The following TTLL5 variants were observed in gnomAD, a reference collection of about 807,000 sequenced individuals.
TTLL5 encodes the protein tubulin polyglutamylase TTLL5.
In TTLL5, 132 loss-of-function variants were observed where a neutral mutation model predicts 168.4. The observed-to-expected ratio is 0.78, with a 90% CI of 0.68 to 0.91. TTLL5 has a LOEUF of 0.91. Among genes scored for constraint, TTLL5 ranks in the 40% least tolerant of loss-of-function variants. The pLI, the probability that TTLL5 is intolerant of heterozygous loss-of-function variation, is 0.00. For synonymous variants in TTLL5, 546 were observed against 558.6 expected, an observed-to-expected ratio of 0.98 and a Z score of 0.32; for missense variants, 1,545 against 1,581.5, an observed-to-expected ratio of 0.98 and a Z score of 0.39.
chr14:75,902,451 C>T, intron 31 of TTLL5: 1 of 675,384 alleles, frequency 1.5e-6, no homozygotes, highest in Non-Finnish European at 2.7e-6. Context: ...GAAACCTCGC[C>T]ATCTTATAAA....
At chr14:75,882,237 A>C (rs1002544219) in intron 29 of TTLL5, among the ~76,000 whole-genome samples, 1 of 152,166 alleles carries the variant, frequency 6.6e-6, no homozygotes, top group African/African-American at 2.4e-5. Flanking sequence ...CCTGCCTGCA[A>C]ACTTTCTAGA....
At position 75,745,071 on chromosome 14, in the gene TTLL5, CT is replaced by C. The variant is rs759315773; in HGVS notation, c.1282-23del. On this transcript the variant is annotated intron_variant, in intron 15 of 31. Transcript: ENST00000298832. ...ATGAAAACTTAAAAAATTTTTTTTA[CT>C]ATTTTCATTTTCTTCTCCTTAGCGT... The C allele has an allele frequency of 3.7e-6, 6 of 1,601,156 alleles. No individual in the cohort carries two copies. The East Asian group carries it at 1.1e-4, about 30-fold the overall frequency.
At chr14:75,928,437 C>G (rs2034158679) in intron 31 of TTLL5, among the ~76,000 whole-genome samples, 1 of 146,084 alleles carries the variant, frequency 6.8e-6, no homozygotes, top group East Asian at 2.0e-4. Flanking sequence ...ATTCATCCAT[C>G]TCTTTCACAA....
At chr14:75,680,495 G>T (rs900549004) in intron 3 of TTLL5, among the ~76,000 whole-genome samples, 1 of 151,934 alleles carries the variant, frequency 6.6e-6, no homozygotes, top group African/African-American at 2.4e-5. Flanking sequence ...AGCACCATGA[G>T]AAACAAACCA....
At chr14:75,850,669 A>T (rs1896796174) in intron 28 of TTLL5, among the ~76,000 whole-genome samples, 1 of 152,180 alleles carries the variant, frequency 6.6e-6, no homozygotes. Context: ...GACAGGCAGG[A>T]TTCACCGTGA....
At chr14:75,784,663 C>A (rs1006927438) in intron 26 of TTLL5, among the ~76,000 whole-genome samples, 1 of 152,194 alleles carries the variant, frequency 6.6e-6, no homozygotes, top group Non-Finnish European at 1.5e-5. Flanking sequence ...TGAGGAACTT[C>A]TAAACTGTTT....
chr14:75,724,997 A>C (rs1188889204), intron 12 of TTLL5, among the ~76,000 whole-genome samples: 1 of 152,170 alleles, frequency 6.6e-6, no homozygotes, highest in East Asian at 1.9e-4. Flanking sequence ...GCATGGCTGA[A>C]GTCATGGGTT....
chr14:75,683,258 G>A (rs992084032), intron 4 of TTLL5, among the ~76,000 whole-genome samples: 5 of 152,230 alleles, frequency 3.3e-5, no homozygotes, highest in African/African-American at 7.2e-5. Context: ...TTTCTGCAAG[G>A]ATAAGGAAAG....
intron 27 of TTLL5, among the ~76,000 whole-genome samples, chr14:75,806,827 C>T (rs1893686695): frequency 6.6e-6 from 1 of 152,060 alleles, no homozygotes; most frequent in African/African-American, 2.4e-5. Flanking sequence ...CCATTTTTTT[C>T]ACCAGTTTTT....
chr14:75,707,730 A>G, intron 9 of TTLL5, 23 bp downstream of exon 9: 1 of 767,148 alleles, frequency 1.3e-6, no homozygotes, highest in Non-Finnish European at 2.2e-6. Context: ...TTGGGGGTGA[A>G]GGGGTTGGGT....
intron 2 of TTLL5, 116 bp downstream of exon 2, chr14:75,663,339 G>A: frequency 3.9e-6 from 4 of 1,013,516 alleles, no homozygotes; most frequent in Non-Finnish European, 5.8e-6. Context: ...TTTATCTAGT[G>A]TCATTCCTTG....
chr14:75,664,253 G>T (rs1021606339), intron 2 of TTLL5, among the ~76,000 whole-genome samples: 1 of 152,160 alleles, frequency 6.6e-6, no homozygotes, highest in African/African-American at 2.4e-5. Context: ...GAGAGTAAGT[G>T]ATGCATTGAG....
At chr14:75,665,829 GAGAC>G (rs1883212074) in intron 2 of TTLL5, among the ~76,000 whole-genome samples, 1 of 152,192 alleles carries the variant, frequency 6.6e-6, no homozygotes, top group Non-Finnish European at 1.5e-5. Context: ...TCCAGCCTGG[GAGAC>G]AGAGTGAGAC....
intron 31 of TTLL5, among the ~76,000 whole-genome samples, chr14:75,925,807 G>C (rs898900922): frequency 2.0e-5 from 3 of 152,006 alleles, no homozygotes; most frequent in Non-Finnish European, 2.9e-5. Flanking sequence ...CCGGCACCTC[G>C]GGAGGCCGAG....
At chr14:75,700,857 G>A (rs979782685) in intron 7 of TTLL5, among the ~76,000 whole-genome samples, 3 of 151,986 alleles carry the variant, frequency 2.0e-5, no homozygotes, top group Non-Finnish European at 4.4e-5. Context: ...GACAGACTTT[G>A]GGATTCTGAA....
chr14:75,674,590 C>T (rs1731219117), intron 3 of TTLL5, among the ~76,000 whole-genome samples: 1 of 151,974 alleles, frequency 6.6e-6, no homozygotes, highest in South Asian at 2.1e-4. Flanking sequence ...TTCATTATAA[C>T]CTTGTTTTTT....
chr14:75,882,726 G>T lies in TTLL5; in HGVS notation c.3564G>T (p.Trp1188Cys), dbSNP rs976175960. Residue 1188 changes from tryptophan to cysteine, a missense_variant, in exon 30 of 32, where the codon TGG becomes TGT. Physicochemically the swap from Trp to Cys is radical, Grantham distance 215. Transcript: ENST00000298832. ...AGACACTACCTAACTCCAATTTATG[G>T]ACAATGAATAATGGTGCAGGTTGTA... The part of the protein sequence containing the change: ...GSQTLPNSNL[W>C]TMNNGAGCRI... 1 of 1,613,606 alleles carries T rather than the reference G, an allele frequency of 6.2e-7. No individual in the cohort carries two copies. Among genetic ancestry groups the T allele is most frequent in the African/African-American group, 1.3e-5 (1 of 74,778 alleles).
At chr14:75,713,633 C>A (rs1445196054) in intron 9 of TTLL5, among the ~76,000 whole-genome samples, 2 of 152,222 alleles carry the variant, frequency 1.3e-5, no homozygotes, top group African/African-American at 4.8e-5. Context: ...ATGTGATGGT[C>A]TAAATCAAAG....
chr14:75,887,593 A>T (rs965727155), intron 30 of TTLL5, among the ~76,000 whole-genome samples: 3 of 152,206 alleles, frequency 2.0e-5, no homozygotes, highest in Non-Finnish European at 4.4e-5. Flanking sequence ...TGGGGATATG[A>T]GTACAACAAG....
Sources: allele counts gnomAD v4.1 joint callset (sites outside exome capture counted in the v4.1 genomes callset), GRCh38; gene constraint gnomAD v4.1.1; transcripts MANE v1.5; gene names NCBI Gene and HGNC (gene_info 2026-07-23, HGNC 2026-07-21).